UCHL3: variants seen among roughly 807,000 people sequenced by gnomAD.
The protein encoded by UCHL3 is ubiquitin carboxyl-terminal hydrolase isozyme L3.
A neutral mutation model predicts 35.8 loss-of-function variants in UCHL3; 22 were observed. The ratio of observed to expected loss-of-function variants is 0.61; its 90% confidence interval spans 0.44 to 0.88. The LOEUF (loss-of-function observed/expected upper bound fraction) is 0.88. UCHL3 is among the 40% of genes least tolerant of loss of function. The probability of loss-of-function intolerance (pLI) is 0.00; values close to 1 mark genes in which losing one functional copy is unlikely to be tolerated. For synonymous variants in UCHL3, 90 were observed against 92.8 expected, an observed-to-expected ratio of 0.97 and a Z score of 0.17; for missense variants, 229 against 276.9, an observed-to-expected ratio of 0.83 and a Z score of 1.23.
At chr13:75,591,279 G>A (rs527739660) in intron 6 of UCHL3, among the ~76,000 whole-genome samples, 1 of 152,182 alleles carries the variant, frequency 6.6e-6, no homozygotes, top group East Asian at 1.9e-4. Context: ...TTTCTGCTGA[G>A]TATCAACAAA....
rs1003889763 is a variant in UCHL3 at position 75,589,898 on chromosome 13, A to G, written c.475-5017A>G. 15 of 1,273,974 alleles carry G rather than the reference A, an allele frequency of 1.2e-5. No individual in the cohort carries two copies. In the Admixed American group the frequency reaches 3.7e-4, roughly 31 times the overall value. 78.9% of individuals were successfully genotyped at this position (1,273,974 alleles called of 1,614,324 possible). On this transcript the variant is annotated intron_variant, in intron 6 of 8. Coordinates refer to ENST00000377595, the MANE Select transcript of UCHL3 (RefSeq NM_006002.5). Reference sequence around the variant, plus strand: ...TTTAAGAATAAATGATCACCCAGTAACGTGGTCTAAGTAAAATATTCTCTT... The same window carrying G: ...TTTAAGAATAAATGATCACCCAGTAGCGTGGTCTAAGTAAAATATTCTCTT...
Position 75,569,486 on chromosome 13 carries a change from T to C in UCHL3, c.453T>C (p.Ser151=), listed in dbSNP as rs946278428. The C allele has an allele frequency of 6.2e-7, 1 of 1,610,818 alleles. No homozygotes were observed. Among genetic ancestry groups the C allele is most frequent in the African/African-American group, 1.3e-5 (1 of 74,820 alleles). Residue 151 remains serine, a synonymous_variant, in exon 6 of 9, where the codon AGT becomes AGC. Coordinates refer to ENST00000377595, the MANE Select transcript of UCHL3 (RefSeq NM_006002.5). ...YDAIRVTHET[S]AHEGQTEAPS... is the part of the protein sequence containing the mutation. ...CCATCCGAGTTACTCATGAGACCAG[T>C]GCCCATGAAGGTCAGACTGAGGTAT...
At chr13:75,553,768 G>A (rs1282961898) in intron 2 of UCHL3, among the ~76,000 whole-genome samples, 1 of 152,172 alleles carries the variant, frequency 6.6e-6, no homozygotes, top group South Asian at 2.1e-4. Context: ...CCATCTGGAT[G>A]TCTTATAGAT....
chr13:75,596,010 C>T (rs1398313933), intron 7 of UCHL3, among the ~76,000 whole-genome samples: 2 of 151,862 alleles, frequency 1.3e-5, no homozygotes, highest in Non-Finnish European at 2.9e-5. Context: ...TTCTAGATAC[C>T]GTGAGTTTTG....
At chr13:75,572,655 G>C (rs150432201) in intron 6 of UCHL3, among the ~76,000 whole-genome samples, 11 of 152,266 alleles carry the variant, frequency 7.2e-5, no homozygotes, top group Middle Eastern at 3.4e-3. Context: ...CCTTGGTAGT[G>C]TAAGAAATAA....
chr13:75,605,869 C>T lies in UCHL3; in HGVS notation c.*57C>T. ...TTATTTGCAACTAAATTTTCTCTGC[C>T]ATACACTAACTCAAAAATTTTGATA... On this transcript the variant is annotated 3_prime_UTR_variant, in exon 9 of 9. Transcript: ENST00000377595. The T allele has an allele frequency of 6.6e-7, 1 of 1,516,112 alleles. No individual in the cohort carries two copies. Among genetic ancestry groups the T allele is most frequent in the Non-Finnish European group, 9.1e-7 (1 of 1,100,848 alleles). 93.9% of individuals were successfully genotyped at this position (1,516,112 alleles called of 1,614,324 possible). A position where few individuals can be genotyped will look rare whatever the true frequency, so the allele number is the denominator to read the frequency against.
At chr13:75,576,814 C>A (rs939914730) in intron 6 of UCHL3, among the ~76,000 whole-genome samples, 4 of 152,134 alleles carry the variant, frequency 2.6e-5, no homozygotes, top group African/African-American at 9.7e-5. Context: ...GTTGAATGTT[C>A]TACTAGAAAA....
intron 2 of UCHL3, among the ~76,000 whole-genome samples, chr13:75,553,212 C>T (rs2031175299): frequency 6.6e-6 from 1 of 152,210 alleles, no homozygotes; most frequent in African/African-American, 2.4e-5. Flanking sequence ...CCTTGAGCTG[C>T]TGCCTTACCT....
chr13:75,578,870 G>C (rs2032101674), intron 6 of UCHL3, among the ~76,000 whole-genome samples: 1 of 151,996 alleles, frequency 6.6e-6, no homozygotes, highest in Admixed American at 6.6e-5. Context: ...GTGTTTGTGT[G>C]GGTGTGTATA....
At chr13:75,564,199 G>A (rs570184282) in intron 3 of UCHL3, among the ~76,000 whole-genome samples, 4 of 151,378 alleles carry the variant, frequency 2.6e-5, no homozygotes, top group African/African-American at 9.7e-5. Flanking sequence ...TGCCCAGGCT[G>A]GAGTGCAGTG....
intron 7 of UCHL3, among the ~76,000 whole-genome samples, chr13:75,599,108 G>A (rs542895932): frequency 4.0e-5 from 6 of 150,342 alleles, no homozygotes; most frequent in Non-Finnish European, 8.8e-5. Flanking sequence ...AGCTGGGACT[G>A]TAGGCCTGTG....
intron 6 of UCHL3, among the ~76,000 whole-genome samples, chr13:75,580,124 A>G (rs1245424290): frequency 6.6e-6 from 1 of 152,174 alleles, no homozygotes; most frequent in East Asian, 1.9e-4. Flanking sequence ...GAAGAAACTT[A>G]CCATTATCCA....
At position 75,605,987 on chromosome 13, in the gene UCHL3, G is replaced by T; in HGVS notation, c.*175G>T. Reference sequence around the variant, plus strand: ...TTTTGCTCCAGGTTAAAGGTGCAATGCTTTCCTCCTCTTTTCTTGTGAAGG... The same window carrying T: ...TTTTGCTCCAGGTTAAAGGTGCAATTCTTTCCTCCTCTTTTCTTGTGAAGG... On this transcript the variant is annotated 3_prime_UTR_variant, in exon 9 of 9. Transcript: ENST00000377595. 3 of 557,500 alleles carry T rather than the reference G, an allele frequency of 5.4e-6. No individual in the cohort carries two copies. The highest frequency in any genetic ancestry group is 9.5e-6 in the Non-Finnish European group (3 of 315,882). 34.5% of individuals were successfully genotyped at this position (557,500 alleles called of 1,614,324 possible). A position where few individuals can be genotyped will look rare whatever the true frequency, so the allele number is the denominator to read the frequency against.
At chr13:75,592,958 A>G (rs2032552331) in intron 6 of UCHL3, among the ~76,000 whole-genome samples, 2 of 152,060 alleles carry the variant, frequency 1.3e-5, no homozygotes, top group South Asian at 4.1e-4. Flanking sequence ...TGGATAAGAA[A>G]CCCAAGGCTT....
intron 3 of UCHL3, among the ~76,000 whole-genome samples, 189 bp from the exon 4 acceptor site, chr13:75,566,506 A>G (rs1048860769): frequency 2.0e-5 from 3 of 152,228 alleles, no homozygotes; most frequent in South Asian, 2.1e-4. Flanking sequence ...CCATACCTTC[A>G]CCTTCACTGG....
At chr13:75,579,401 G>T (rs984348702) in intron 6 of UCHL3, among the ~76,000 whole-genome samples, 1 of 151,850 alleles carries the variant, frequency 6.6e-6, no homozygotes, top group African/African-American at 2.4e-5. Context: ...TTTTGGAGGC[G>T]ATTTTATTTT....
At chr13:75,552,053 G>C (rs1339998969) in intron 2 of UCHL3, among the ~76,000 whole-genome samples, 1 of 152,162 alleles carries the variant, frequency 6.6e-6, no homozygotes, top group African/African-American at 2.4e-5. Context: ...AGACCTTTCT[G>C]AGATGATATA....
chr13:75,585,241 T>C (rs965122914), intron 6 of UCHL3, among the ~76,000 whole-genome samples: 2 of 152,100 alleles, frequency 1.3e-5, no homozygotes, highest in African/African-American at 4.8e-5. Flanking sequence ...CTGAGATACA[T>C]TAAAATTCAA....
chr13:75,565,106 ATTTTTTTTAAT>A (rs1489051612), intron 3 of UCHL3, among the ~76,000 whole-genome samples: 1 of 151,774 alleles, frequency 6.6e-6, no homozygotes, highest in African/African-American at 2.4e-5. Flanking sequence ...TCTTGGCCTT[ATTTTTTTTAAT>A]TTTTTGATCT....
Sources: gnomAD v4.1 joint callset for allele counts (sites outside exome capture counted in the v4.1 genomes callset) on GRCh38, gnomAD v4.1.1 for gene constraint, MANE v1.5 for transcripts, NCBI Gene and HGNC (gene_info 2026-07-23, HGNC 2026-07-21) for gene names.